Variants in LRCH1 observed in about 807,000 individuals in gnomAD.
LRCH1 encodes leucine-rich repeat and calponin homology domain-containing protein 1.
Under a neutral mutation model 94.9 loss-of-function variants are expected in LRCH1, and 23 were observed. The observed-to-expected ratio is 0.24, with a 90% CI of 0.17 to 0.34. LRCH1 has a LOEUF of 0.34. LRCH1 is among the 10% of genes least tolerant of loss of function. The pLI, the probability that LRCH1 is intolerant of heterozygous loss-of-function variation, is 1.00. For missense variants in LRCH1, 790 were observed against 945.9 expected, an observed-to-expected ratio of 0.84 and a Z score of 2.16; for synonymous variants, 364 against 354.9, an observed-to-expected ratio of 1.03 and a Z score of -0.29.
intron 3 of LRCH1, among the ~76,000 whole-genome samples, chr13:46,680,425 A>G (rs1015601341): frequency 2.0e-5 from 3 of 152,174 alleles, no homozygotes; most frequent in Non-Finnish European, 4.4e-5. Context: ...GTGACATGCT[A>G]TCTAAAGGAC....
At chr13:46,577,952 G>A (rs1444644343) in intron 1 of LRCH1, among the ~76,000 whole-genome samples, 1 of 152,238 alleles carries the variant, frequency 6.6e-6, no homozygotes, top group East Asian at 1.9e-4. Flanking sequence ...CAGAAGGGCA[G>A]TGGTGCCCAC....
chr13:46,678,062 T>G (rs1424120849), intron 3 of LRCH1, among the ~76,000 whole-genome samples: 1 of 152,228 alleles, frequency 6.6e-6, no homozygotes, highest in East Asian at 1.9e-4. Flanking sequence ...AGCTGATAAA[T>G]TCTTACTAAT....
chr13:46,721,909 TA>T (rs1415130547), intron 16 of LRCH1, among the ~76,000 whole-genome samples: 1 of 152,192 alleles, frequency 6.6e-6, no homozygotes, highest in Admixed American at 6.5e-5. Context: ...AGAAAGAAAA[TA>T]CTGAGATGTG....
At chr13:46,612,109 C>T (rs1218774839) in intron 1 of LRCH1, among the ~76,000 whole-genome samples, 4 of 152,146 alleles carry the variant, frequency 2.6e-5, no homozygotes, top group African/African-American at 9.7e-5. Context: ...AATACTTAAA[C>T]AATATAAATG....
chr13:46,624,058 A>AT (rs1276916038), intron 1 of LRCH1, among the ~76,000 whole-genome samples: 1 of 151,578 alleles, frequency 6.6e-6, no homozygotes, highest in East Asian at 1.9e-4. Flanking sequence ...CAATTTTTCT[A>AT]TTTTTTATAG....
chr13:46,646,185 T>C (rs901972249), intron 1 of LRCH1, among the ~76,000 whole-genome samples: 1 of 152,272 alleles, frequency 6.6e-6, no homozygotes, highest in African/African-American at 2.4e-5. Flanking sequence ...CTTCACAGTT[T>C]GCTCTTGCTT....
intron 1 of LRCH1, among the ~76,000 whole-genome samples, chr13:46,613,815 T>C (rs896620688): frequency 1.3e-5 from 2 of 152,224 alleles, no homozygotes; most frequent in Non-Finnish European, 2.9e-5. Context: ...AAATGTCCTC[T>C]AAATTCTTAT....
At chr13:46,651,610 A>T (rs9526212) in intron 2 of LRCH1, among the ~76,000 whole-genome samples, 1 of 150,226 alleles carries the variant, frequency 6.7e-6, no homozygotes, top group South Asian at 2.1e-4. Context: ...GCGGTGAGCC[A>T]AGATAGCGCC....
At chr13:46,595,063 C>A (rs1594271629) in intron 1 of LRCH1, among the ~76,000 whole-genome samples, 1 of 152,042 alleles carries the variant, frequency 6.6e-6, no homozygotes, top group African/African-American at 2.4e-5. Context: ...TTATTAATAC[C>A]ATGATGATCA....
intron 16 of LRCH1, chr13:46,717,768 A>G (rs1166828593): frequency 6.6e-6 from 1 of 152,154 alleles, no homozygotes; most frequent in Non-Finnish European, 1.5e-5. Context: ...TACCTTGCTC[A>G]CTGTCTTGCT....
chr13:46,623,156 A>G (rs901099553), intron 1 of LRCH1, among the ~76,000 whole-genome samples: 1 of 152,074 alleles, frequency 6.6e-6, no homozygotes, highest in Non-Finnish European at 1.5e-5. Flanking sequence ...GGTGGGCTGT[A>G]GATTCCATAT....
rs2051010950 is a variant in LRCH1 at position 46,630,995 on chromosome 13, C to T, written c.308-19206C>T. Among the ~76,000 whole-genome samples, 6 of 152,178 alleles carry T rather than the reference C, an allele frequency of 3.9e-5. No homozygotes were observed. The South Asian group carries it at 1.2e-3, about 32-fold the overall frequency. On this transcript the variant is annotated intron_variant, in intron 1 of 19. Coordinates refer to ENST00000389797, the MANE Select transcript of LRCH1 (RefSeq NM_001164211.2). ...TCTGGGAATCTTTTTGTCTGGAGAC[C>T]TCAAGATTGGGATCTGCACCCTCCC...
rs1250771724 is a variant in LRCH1 at position 46,742,543 on chromosome 13, A to C, written c.*695A>C. 2.0e-6 allele frequency: 2 copies of C among 985,514 alleles called. No homozygotes were observed. Among genetic ancestry groups the C allele is most frequent in the African/African-American group, 3.5e-5 (2 of 57,334 alleles). 61.0% of individuals were successfully genotyped at this position (985,514 alleles called of 1,614,324 possible). ...TGCAGAAGGGCGCTCAAGGGAAGGA[A>C]GTGTCGTTGCTGTTAGAGCCTCACG... is the stretch of plus-strand genomic sequence containing the variant. On this transcript the variant is annotated 3_prime_UTR_variant, in exon 20 of 20. Coordinates refer to ENST00000389797, the MANE Select transcript of LRCH1 (RefSeq NM_001164211.2).
At chr13:46,681,517 T>C (rs1485566878) in intron 3 of LRCH1, among the ~76,000 whole-genome samples, 1 of 152,222 alleles carries the variant, frequency 6.6e-6, no homozygotes, top group Non-Finnish European at 1.5e-5. Context: ...TGGCGAATGC[T>C]ACTAATGTCC....
At chr13:46,650,722 C>CAAA (rs756410319) in intron 2 of LRCH1, among the ~76,000 whole-genome samples, 52 of 57,878 alleles carry the variant, frequency 9.0e-4, no homozygotes, top group East Asian at 1.9e-3. Context: ...AAACAAGGAG[C>CAAA]AAAAAAAAAA....
intron 18 of LRCH1, among the ~76,000 whole-genome samples, chr13:46,731,749 G>A (rs751818256): frequency 8.5e-5 from 13 of 152,062 alleles, no homozygotes; most frequent in African/African-American, 4.8e-5. Flanking sequence ...CTTCTCTGCC[G>A]TTGCTCTTTG....
intron 1 of LRCH1, among the ~76,000 whole-genome samples, chr13:46,641,358 A>G (rs1170514859): frequency 6.6e-6 from 1 of 152,170 alleles, no homozygotes; most frequent in African/African-American, 2.4e-5. Flanking sequence ...GAAGAGTAGC[A>G]AGAGGGTGGA....
chr13:46,624,281 T>C (rs927816376), intron 1 of LRCH1, among the ~76,000 whole-genome samples: 3 of 152,224 alleles, frequency 2.0e-5, no homozygotes, highest in Non-Finnish European at 4.4e-5. Flanking sequence ...AAAAGCCTCC[T>C]TCATTTGTTT....
At chr13:46,694,066 A>G (rs1871050932) in intron 8 of LRCH1, among the ~76,000 whole-genome samples, 1 of 152,242 alleles carries the variant, frequency 6.6e-6, no homozygotes, top group African/African-American at 2.4e-5. Flanking sequence ...ATATACAAAT[A>G]TAACTGCCAC....
Sources: allele counts gnomAD v4.1 joint callset (sites outside exome capture counted in the v4.1 genomes callset), GRCh38; gene constraint gnomAD v4.1.1; transcripts MANE v1.5; gene names NCBI Gene and HGNC (gene_info 2026-07-23, HGNC 2026-07-21).